LRRC69: variants seen among roughly 807,000 people sequenced by gnomAD.
LRRC69 encodes leucine rich repeat containing 69, also known as leucine-rich repeat-containing protein 69.
In LRRC69, 42 loss-of-function variants were observed where a neutral mutation model predicts 37.8. That is an observed-to-expected ratio of 1.11 (90% CI 0.87 to 1.44). The LOEUF (loss-of-function observed/expected upper bound fraction) is 1.44. LRRC69 is among the 40% of genes most tolerant of loss of function. LRRC69 has a pLI of 0.00. For missense variants in LRRC69, 357 were observed against 401.9 expected (o/e 0.89, Z 0.96); for synonymous variants, 141 against 143.1 (o/e 0.99, Z 0.11).
chr8:91,115,297 C>T (rs1813492242), intron 1 of LRRC69, among the ~76,000 whole-genome samples: 1 of 151,866 alleles, frequency 6.6e-6, no homozygotes, highest in South Asian at 2.1e-4. Flanking sequence ...CTTTTGCAGG[C>T]CATCTATTTT....
At chr8:91,117,588 G>A (rs948176337) in intron 1 of LRRC69, among the ~76,000 whole-genome samples, 2 of 105,740 alleles carry the variant, frequency 1.9e-5, no homozygotes, top group Non-Finnish European at 4.6e-5. Context: ...TTTTTTACAG[G>A]GATAACTGTA....
At chr8:91,195,835 T>C (rs1237875862) in intron 6 of LRRC69, among the ~76,000 whole-genome samples, 3 of 150,920 alleles carry the variant, frequency 2.0e-5, no homozygotes, top group African/African-American at 4.8e-5. Context: ...GAGCATTTAG[T>C]CCATTTACAT....
chr8:91,102,903 GA>G, intron 1 of LRRC69, 59 bp downstream of exon 1: 7 of 1,429,922 alleles, frequency 4.9e-6, no homozygotes, highest in South Asian at 4.3e-5. Flanking sequence ...CAGGAAGAGA[GA>G]AAAAAGGGGT....
At chr8:91,151,410 T>G (rs527670633) in intron 5 of LRRC69, among the ~76,000 whole-genome samples, 409 of 152,110 alleles carry the variant, frequency 2.7e-3, no homozygotes, top group African/African-American at 9.4e-3. Flanking sequence ...GTGAGTTTCT[T>G]AATCCTGAGT....
intron 5 of LRRC69, among the ~76,000 whole-genome samples, chr8:91,155,655 C>T (rs1283925129): frequency 2.7e-5 from 4 of 150,542 alleles, no homozygotes; most frequent in Non-Finnish European, 5.9e-5. Context: ...CTACTCTTCC[C>T]AGCCTCTAAT....
intron 5 of LRRC69, among the ~76,000 whole-genome samples, chr8:91,180,271 A>G (rs7822260): frequency 0.68 from 102,650 of 151,968 alleles, 35,144 homozygotes; most frequent in African/African-American, 0.74. Context: ...TGAAGGCTTG[A>G]CTGGAGCTGG....
intron 1 of LRRC69, chr8:91,118,429 A>T (rs1303462249): frequency 3.0e-6 from 1 of 330,494 alleles, no homozygotes; most frequent in African/African-American, 2.3e-5. Flanking sequence ...CTACTTGGGA[A>T]GCTGAATGAG....
At chr8:91,116,905 T>C (rs998414869) in intron 1 of LRRC69, among the ~76,000 whole-genome samples, 2 of 152,070 alleles carry the variant, frequency 1.3e-5, no homozygotes, top group Admixed American at 1.3e-4. Context: ...CACTATACAT[T>C]GAACCTAGAT....
intron 6 of LRRC69, among the ~76,000 whole-genome samples, chr8:91,195,634 A>C (rs544309205): frequency 6.6e-6 from 1 of 152,022 alleles, no homozygotes; most frequent in African/African-American, 2.4e-5. Context: ...TTATTGGTTT[A>C]AAGTCTGTTT....
At chr8:91,178,296 T>C (rs1234483269) in intron 5 of LRRC69, among the ~76,000 whole-genome samples, 1 of 152,224 alleles carries the variant, frequency 6.6e-6, no homozygotes, top group East Asian at 1.9e-4. Flanking sequence ...TTGCAACAGC[T>C]GAAAACTTGT....
chr8:91,162,388 C>G (rs1370306350), intron 5 of LRRC69, among the ~76,000 whole-genome samples: 1 of 151,368 alleles, frequency 6.6e-6, no homozygotes, highest in Non-Finnish European at 1.5e-5. Flanking sequence ...GGGTCTATCT[C>G]TCCCTTTAGT....
chr8:91,200,485 C>A, intron 6 of LRRC69, 128 bp from the exon 7 acceptor site: 2 of 603,834 alleles, frequency 3.3e-6, no homozygotes, highest in Non-Finnish European at 5.2e-6. Context: ...ATTAGATACA[C>A]TGCAGAATCT....
Position 91,200,941 on chromosome 8 carries a change from G to A in LRRC69, c.933+149G>A, listed in dbSNP as rs929686699. On this transcript the variant is annotated intron_variant, in intron 7 of 7. Transcript: ENST00000448384. The stretch of plus-strand genomic sequence containing the variant: ...ATTTTGGATAGACAAATTTGGATAA[G>A]TGTCGGTAATAATCATCATCACCCA... 9.6e-6 allele frequency: 6 copies of A among 625,134 alleles called. No homozygotes were observed. The African/African-American group carries it at 1.2e-4, about 12-fold the overall frequency. The allele number at this position is 625,134 out of a possible 1,614,324, so 38.7% of individuals were successfully genotyped here. A position where few individuals can be genotyped will look rare whatever the true frequency, so the allele number is the denominator to read the frequency against.
intron 5 of LRRC69, among the ~76,000 whole-genome samples, chr8:91,183,764 G>A (rs888585796): frequency 2.0e-5 from 3 of 152,170 alleles, no homozygotes; most frequent in African/African-American, 7.2e-5. Context: ...CAACAACTGA[G>A]GGTATACTGG....
At chr8:91,157,843 T>C (rs1434279372) in intron 5 of LRRC69, 11 of 1,605,690 alleles carry the variant, frequency 6.9e-6, no homozygotes, top group Non-Finnish European at 9.4e-6. Flanking sequence ...AGCTGCATCA[T>C]TTACAAGAGC....
At chr8:91,150,295 G>T (rs1457278363) in intron 5 of LRRC69, among the ~76,000 whole-genome samples, 1 of 151,956 alleles carries the variant, frequency 6.6e-6, no homozygotes, top group Non-Finnish European at 1.5e-5. Context: ...TTAGCATGAA[G>T]CGTTGTTGAA....
At chr8:91,108,137 G>T (rs571089542) in intron 1 of LRRC69, among the ~76,000 whole-genome samples, 10 of 152,142 alleles carry the variant, frequency 6.6e-5, no homozygotes, top group Non-Finnish European at 1.5e-5. Flanking sequence ...CAAAGATATG[G>T]TCTGCCATAG....
intron 6 of LRRC69, among the ~76,000 whole-genome samples, chr8:91,190,758 T>A (rs767205568): frequency 2.6e-5 from 4 of 152,152 alleles, no homozygotes; most frequent in Non-Finnish European, 5.9e-5. Flanking sequence ...TTAGCCTTTA[T>A]AAACAAAGAT....
chr8:91,102,705 A>C lies in LRRC69; in HGVS notation c.44A>C (p.Asn15Thr), dbSNP rs1015655352. The change falls in exon 1 of 8, where the codon AAT becomes ACT. Residue 15 changes from asparagine (N) to threonine (T), a missense_variant. Asn to Thr is a moderately conservative substitution (Grantham distance 65). Coordinates refer to ENST00000448384, the Ensembl canonical transcript of LRRC69. The stretch of plus-strand genomic sequence containing the variant: ...ATAAAAGCATTGAGTGGTGGTAAAA[A>C]TACGAAGATCATTACTTTGAATGGG... The C allele has an allele frequency of 1.9e-6, 3 of 1,551,546 alleles. No individual in the cohort carries two copies. The highest frequency in any genetic ancestry group is 2.6e-6 in the Non-Finnish European group (3 of 1,146,874).
Sources: allele counts gnomAD v4.1 joint callset (sites outside exome capture counted in the v4.1 genomes callset), GRCh38; gene constraint gnomAD v4.1.1; transcripts MANE v1.5; gene names NCBI Gene and HGNC (gene_info 2026-07-23, HGNC 2026-07-21).